Variants in FLRT2 observed in about 807,000 individuals in gnomAD.
FLRT2 encodes leucine-rich repeat transmembrane protein FLRT2.
In FLRT2, 15 loss-of-function variants were observed where a neutral mutation model predicts 40.0. The ratio of observed to expected loss-of-function variants is 0.38; its 90% CI spans 0.25 to 0.58. The LOEUF (loss-of-function observed/expected upper bound fraction) is 0.58, where lower values mean the gene tolerates loss of function less well. Among genes scored for constraint, FLRT2 ranks in the 20% least tolerant of loss-of-function variants. The pLI, the probability that FLRT2 is intolerant of heterozygous loss-of-function variation, is 0.71. For synonymous variants in FLRT2, 380 were observed against 336.8 expected (o/e 1.13, Z -1.41); for missense variants, 726 against 840.0 (o/e 0.86, Z 1.68).
rs1956648 is a variant in FLRT2, at chr14:85,654,321, C to T, written c.*30824C>T. 6.6e-6 allele frequency: 1 copy of T among 151,856 alleles called. No homozygotes were observed. Among genetic ancestry groups the T allele is most frequent in the Non-Finnish European group, 1.5e-5 (1 of 67,972 alleles). The allele number at this position is 151,856 out of a possible 1,614,324, so 9.4% of individuals were successfully genotyped here. Reference sequence around the variant, plus strand: ...CAACTTGAAGAAAGTACATAAAGTACAAAATAAAAGTTACCCATATTCTTA... The same window carrying T: ...CAACTTGAAGAAAGTACATAAAGTATAAAATAAAAGTTACCCATATTCTTA... On this transcript the variant is annotated 3_prime_UTR_variant, in exon 2 of 2. Coordinates refer to ENST00000330753, the MANE Select transcript of FLRT2 (RefSeq NM_013231.6).
chr14:85,540,340 A>G (rs1460326510), intron 1 of FLRT2, among the ~76,000 whole-genome samples: 3 of 152,168 alleles, frequency 2.0e-5, no homozygotes, highest in Non-Finnish European at 4.4e-5. Context: ...TTTTGATGTT[A>G]GTGTCATTAA....
At position 85,590,662 on chromosome 14, in the gene FLRT2, C is replaced by T. The variant is rs191143932; in HGVS notation, c.-376-30477C>T. Among the ~76,000 whole-genome samples, 1,060 of 152,076 alleles carry T rather than the reference C, an allele frequency of 7.0e-3. 15 individuals carry two copies. Among genetic ancestry groups the T allele is most frequent in the African/African-American group, 0.023 (962 of 41,476 alleles). On this transcript the variant is annotated intron_variant, in intron 1 of 1. Transcript: ENST00000330753. The stretch of plus-strand genomic sequence containing the variant: ...TCGCCCAGGCTGGAGTGCAGTGGTG[C>T]GGTCTCGGCTCACTGCAACCTCTGC...
rs537752232 is a variant in FLRT2 at position 85,653,368 on chromosome 14, G to A, written c.*29871G>A. 9.2e-5 allele frequency: 14 copies of A among 152,204 alleles called. No individual in the cohort carries two copies. In the East Asian group the frequency reaches 2.5e-3, roughly 27 times the overall value. The allele number at this position is 152,204 out of a possible 1,614,324, so 9.4% of individuals were successfully genotyped here. ...ATGCAATTTGGCTAGTCACACCTGGGTGACCAATATCCGGAGGCTCTACGT... is the reference window on the plus strand; with the variant it reads ...ATGCAATTTGGCTAGTCACACCTGGATGACCAATATCCGGAGGCTCTACGT... On this transcript the variant is annotated 3_prime_UTR_variant, in exon 2 of 2. Transcript: ENST00000330753.
intron 1 of FLRT2, among the ~76,000 whole-genome samples, chr14:85,531,373 C>G (rs1172328516): frequency 6.6e-6 from 1 of 152,190 alleles, no homozygotes. Flanking sequence ...GGGCTTGGGG[C>G]CTCCTGGAAA....
At position 85,634,929 on chromosome 14, in the gene FLRT2, C is replaced by T. The variant is rs1893967146; in HGVS notation, c.*11432C>T. The T allele has an allele frequency of 6.6e-6, 1 of 152,068 alleles. No individual in the cohort carries two copies. 9.4% of individuals were successfully genotyped at this position (152,068 alleles called of 1,614,324 possible). ...CCCAAGTTACTTTGGACCTTAAATT[C>T]TGTTTTATGGTTGTTCATTTTCTAT... On this transcript the variant is annotated 3_prime_UTR_variant, in exon 2 of 2. Transcript: ENST00000330753.
At chr14:85,533,829 C>A (rs1280963953) in intron 1 of FLRT2, among the ~76,000 whole-genome samples, 3 of 151,674 alleles carry the variant, frequency 2.0e-5, no homozygotes, top group Non-Finnish European at 4.4e-5. Flanking sequence ...GGCCTCCGCA[C>A]CCCCGCGCCC....
intron 1 of FLRT2, among the ~76,000 whole-genome samples, chr14:85,531,822 C>G (rs1426256677): frequency 1.3e-5 from 2 of 152,152 alleles, no homozygotes; most frequent in African/African-American, 4.8e-5. Flanking sequence ...TTGCATAATG[C>G]AACAGGAACA....
chr14:85,637,268 A>T lies in FLRT2; in HGVS notation c.*13771A>T, dbSNP rs987037002. On this transcript the variant is annotated 3_prime_UTR_variant, in exon 2 of 2. Transcript: ENST00000330753. ...TCTAAGTATTAGAAAGTTAAACTGC[A>T]GTAATTAAAAGTCATATAAGAATCA... 4 of 152,216 alleles carry T rather than the reference A, an allele frequency of 2.6e-5. No homozygotes were observed. Among genetic ancestry groups the T allele is most frequent in the Non-Finnish European group, 4.4e-5 (3 of 68,042 alleles). The allele number at this position is 152,216 out of a possible 1,614,324, so 9.4% of individuals were successfully genotyped here.
intron 1 of FLRT2, among the ~76,000 whole-genome samples, chr14:85,603,248 A>G (rs1301589267): frequency 6.6e-6 from 1 of 152,150 alleles, no homozygotes; most frequent in Non-Finnish European, 1.5e-5. Flanking sequence ...ACAGAGAACA[A>G]CGCCTGTAGA....
chr14:85,551,616 G>A (rs1367684236), intron 1 of FLRT2: 1 of 152,142 alleles, frequency 6.6e-6, no homozygotes, highest in East Asian at 1.9e-4. Context: ...ATGCATACAT[G>A]GAAGGATGGA....
Position 85,600,463 on chromosome 14 carries a change from G to A in FLRT2, c.-376-20676G>A, listed in dbSNP as rs886996685. 1.3e-5 allele frequency among the ~76,000 whole-genome samples: 2 copies of A among 152,148 alleles called. 1 individual carries two copies. Among genetic ancestry groups the A allele is most frequent in the South Asian group, 4.1e-4 (2 of 4,836 alleles). ...AAATAGAACTATGAGGACTGCCCAC[G>A]TTTATGTGCAGGGAAGAAAACAGGC... On this transcript the variant is annotated intron_variant, in intron 1 of 1. Transcript: ENST00000330753.
chr14:85,594,855 A>G (rs1353234426), intron 1 of FLRT2, among the ~76,000 whole-genome samples: 2 of 152,228 alleles, frequency 1.3e-5, no homozygotes, highest in Non-Finnish European at 1.5e-5. Flanking sequence ...AGCCTCACCA[A>G]TAACACAGTC....
chr14:85,621,544 C>A lies in FLRT2; in HGVS notation c.30C>A (p.Ser10Arg). The change falls in exon 2 of 2, where the codon AGC becomes AGA. Residue 10 changes from serine to arginine, a missense_variant. Ser to Arg is a moderately radical substitution (Grantham distance 110, BLOSUM62 -1). Transcript: ENST00000330753. ...GCCTACAGACCACAAAGTGGCCCAG[C>A]CATGGGGCTTTTTTCCTGAAGTCTT... Reference protein sequence around the residue: MGLQTTKWPSHGAFFLKSWL... With the variant: MGLQTTKWPRHGAFFLKSWL... 1 of 1,613,676 alleles carries A rather than the reference C, an allele frequency of 6.2e-7. No individual in the cohort carries two copies. The highest frequency in any genetic ancestry group is 8.5e-7 in the Non-Finnish European group (1 of 1,179,830).
intron 1 of FLRT2, among the ~76,000 whole-genome samples, chr14:85,602,766 C>T (rs2139336252): frequency 6.6e-6 from 1 of 152,260 alleles, no homozygotes; most frequent in Non-Finnish European, 1.5e-5. Context: ...TTCTTTGATG[C>T]ATGTGAATTC....
At chr14:85,564,772 C>T (rs1391102192) in intron 1 of FLRT2, among the ~76,000 whole-genome samples, 3 of 152,318 alleles carry the variant, frequency 2.0e-5, no homozygotes, top group African/African-American at 4.8e-5. Context: ...TGTGCAGCTT[C>T]GCATCCTCTG....
Position 85,643,342 on chromosome 14 carries a change from T to TTC in FLRT2, c.*19845_*19846insTC, listed in dbSNP as rs879862266. On this transcript the variant is annotated 3_prime_UTR_variant, in exon 2 of 2. Coordinates refer to ENST00000330753, the MANE Select transcript of FLRT2 (RefSeq NM_013231.6). ...TTCTTTCTTTCTTTCTTTCTTTCTT[T>TTC]CTTTCTTTCTTTCTTCCTTCCTTCC... is the stretch of plus-strand genomic sequence containing the variant. 0.015 allele frequency: 1,239 copies of TTC among 84,648 alleles called. 15 individuals carry two copies. The highest frequency in any genetic ancestry group is 0.041 in the Admixed American group (333 of 8,122). 5.2% of individuals were successfully genotyped at this position (84,648 alleles called of 1,614,324 possible).
At chr14:85,556,447 G>T (rs1162419227) in intron 1 of FLRT2, among the ~76,000 whole-genome samples, 1 of 152,170 alleles carries the variant, frequency 6.6e-6, no homozygotes, top group Non-Finnish European at 1.5e-5. Context: ...GGCTTGATCT[G>T]GGGAGGACAC....
Position 85,557,823 on chromosome 14 carries a change from TAAA to T in FLRT2, c.-377+27290_-377+27292del, listed in dbSNP as rs773577526. Among the ~76,000 whole-genome samples, 574 of 151,340 alleles carry T rather than the reference TAAA, an allele frequency of 3.8e-3. 1 individual carries two copies. Among genetic ancestry groups the T allele is most frequent in the African/African-American group, 7.5e-3 (312 of 41,424 alleles). ...AAGAGTAAAACTCCATTTCAATAAA[TAAA>T]TAAATTAATTAATTAATTAATTAAC... On this transcript the variant is annotated intron_variant, in intron 1 of 1. Coordinates refer to ENST00000330753, the MANE Select transcript of FLRT2 (RefSeq NM_013231.6).
chr14:85,570,255 T>C (rs1419380270), intron 1 of FLRT2, among the ~76,000 whole-genome samples: 1 of 152,180 alleles, frequency 6.6e-6, no homozygotes, highest in African/African-American at 2.4e-5. Context: ...CAACTCCAAA[T>C]TAGATTCTAT....
Sources: gnomAD v4.1 joint callset for allele counts (sites outside exome capture counted in the v4.1 genomes callset) on GRCh38, gnomAD v4.1.1 for gene constraint, MANE v1.5 for transcripts, NCBI Gene and HGNC (gene_info 2026-07-23, HGNC 2026-07-21) for gene names.